The following SLC51A variants were observed in gnomAD, a reference collection of about 807,000 sequenced individuals.
SLC51A encodes organic solute transporter subunit alpha.
A neutral mutation model predicts 34.8 loss-of-function variants in SLC51A; 22 were observed. The ratio of observed to expected loss-of-function variants is 0.63; its 90% CI spans 0.45 to 0.90. The LOEUF (loss-of-function observed/expected upper bound fraction) is 0.90. Ranked by LOEUF, SLC51A falls within the 40% of genes least tolerant of loss-of-function variation. The probability of loss-of-function intolerance (pLI) is 0.00; values close to 1 mark genes in which losing one functional copy is unlikely to be tolerated. For missense variants in SLC51A, 371 were observed against 414.8 expected (o/e 0.89, Z 0.92); for synonymous variants, 181 against 176.3 (o/e 1.03, Z -0.21).
intron 2 of SLC51A, among the ~76,000 whole-genome samples, chr3:196,220,156 G>T (rs914368217): frequency 6.6e-6 from 1 of 152,260 alleles, no homozygotes; most frequent in Non-Finnish European, 1.5e-5. Context: ...GAGGCCCGCT[G>T]CGCGCCGGGC....
At chr3:196,227,324 G>T (rs1457598205) in intron 3 of SLC51A, 2 of 608,960 alleles carry the variant, frequency 3.3e-6, no homozygotes, top group African/African-American at 3.7e-5. Flanking sequence ...AAGGGCTGCG[G>T]AGACAGCTGG....
At chr3:196,227,960 C>T in intron 4 of SLC51A, 155 bp from the exon 5 acceptor site, 1 of 1,081,460 alleles carries the variant, frequency 9.2e-7, no homozygotes, top group African/African-American at 1.6e-5. Flanking sequence ...TTCCCCTTCT[C>T]CCAGTCCTGT....
At chr3:196,225,563 A>T (rs1723873776) in intron 2 of SLC51A, among the ~76,000 whole-genome samples, 1 of 152,202 alleles carries the variant, frequency 6.6e-6, no homozygotes, top group Admixed American at 6.5e-5. Context: ...TTATCTAGTC[A>T]GGTAGCAGGT....
chr3:196,217,213 T>C (rs1430175710), intron 1 of SLC51A, among the ~76,000 whole-genome samples: 1 of 152,192 alleles, frequency 6.6e-6, no homozygotes, highest in Non-Finnish European at 1.5e-5. Flanking sequence ...CCTGGGCCAG[T>C]TCTCCACTCC....
intron 2 of SLC51A, among the ~76,000 whole-genome samples, chr3:196,222,263 T>C (rs1461626043): frequency 6.6e-6 from 1 of 152,168 alleles, no homozygotes; most frequent in Non-Finnish European, 1.5e-5. Flanking sequence ...TTCAAAATGG[T>C]CAACTAGACA....
Position 196,228,024 on chromosome 3 carries a change from C to G in SLC51A, c.363-91C>G, listed in dbSNP as rs1333252794. 6.5e-7 allele frequency: 1 copy of G among 1,535,056 alleles called. No homozygotes were observed. The highest frequency in any genetic ancestry group is 2.3e-5 in the East Asian group (1 of 44,252). On this transcript the variant is annotated intron_variant, in intron 4 of 8. Coordinates refer to ENST00000296327, the MANE Select transcript of SLC51A (RefSeq NM_152672.6). This position sits in a 1 kb window ranked among gnomAD's most constrained non-coding sequence, Gnocchi z 4.9. ...GGGTCACACACCCAGAACGCCCAGC[C>G]CTAGCTCTGCTCCTCAGTAAGCCCC...
chr3:196,218,008 G>T, intron 2 of SLC51A, 72 bp downstream of exon 2: 1 of 1,398,982 alleles, frequency 7.1e-7, no homozygotes. Flanking sequence ...CTGGGGAGAG[G>T]CGGCCCTGAG....
chr3:196,223,749 AAG>A (rs1438797482), intron 2 of SLC51A: 155 of 160,858 alleles, frequency 9.6e-4, no homozygotes, highest in African/African-American at 3.5e-3. Flanking sequence ...AAAAAAAAAA[AAG>A]AAAGAAAGAA....
chr3:196,227,422 T>C (rs1723925389), intron 3 of SLC51A: 2 of 593,030 alleles, frequency 3.4e-6, no homozygotes, highest in East Asian at 2.8e-5. Flanking sequence ...TTCCTCAGAG[T>C]GTGGGGGAAA....
intron 3 of SLC51A, 68 bp from the exon 4 acceptor site, chr3:196,227,595 GC>G: frequency 7.1e-7 from 1 of 1,411,278 alleles, no homozygotes. Flanking sequence ...CTGTGTCCTT[GC>G]CGCAAAAGGC....
At chr3:196,225,841 A>G (rs2108755234) in intron 2 of SLC51A, 1 of 152,330 alleles carries the variant, frequency 6.6e-6, no homozygotes, top group South Asian at 2.1e-4. Context: ...TCTCAGATCT[A>G]TGGACGCACA....
intron 7 of SLC51A, among the ~76,000 whole-genome samples, chr3:196,232,185 T>A (rs11185519): frequency 0.33 from 49,579 of 152,176 alleles, 8,715 homozygotes; most frequent in East Asian, 0.75. Flanking sequence ...AGTTCTTATA[T>A]CTTGTCAGAA....
At chr3:196,223,270 C>T (rs1358288201) in intron 2 of SLC51A, among the ~76,000 whole-genome samples, 1 of 151,898 alleles carries the variant, frequency 6.6e-6, no homozygotes, top group Non-Finnish European at 1.5e-5. Context: ...TTATTTCTTT[C>T]ATTCAACAAA....
chr3:196,224,846 T>C (rs1417151308), intron 2 of SLC51A, among the ~76,000 whole-genome samples: 1 of 151,498 alleles, frequency 6.6e-6, no homozygotes, highest in African/African-American at 2.4e-5. Context: ...TGCTGACACC[T>C]TGATCTTGAA....
At chr3:196,219,181 A>G (rs1022397268) in intron 2 of SLC51A, among the ~76,000 whole-genome samples, 2 of 152,280 alleles carry the variant, frequency 1.3e-5, no homozygotes, top group Non-Finnish European at 2.9e-5. Flanking sequence ...AGCCGAGATC[A>G]CGCCACTGCA....
Position 196,227,565 on chromosome 3 carries a change from G to A in SLC51A, c.289-99G>A, listed in dbSNP as rs534837997. The A allele has an allele frequency of 9.5e-5, 94 of 991,412 alleles. No individual in the cohort carries two copies. The African/African-American group carries it at 1.2e-3, about 13-fold the overall frequency. 61.4% of individuals were successfully genotyped at this position (991,412 alleles called of 1,614,324 possible). A position where few individuals can be genotyped will look rare whatever the true frequency, so the allele number is the denominator to read the frequency against. On this transcript the variant is annotated intron_variant, in intron 3 of 8. Transcript: ENST00000296327. The stretch of plus-strand genomic sequence containing the variant: ...GGCAACGTTTAAGGAACGCTGCCTC[G>A]AATGTGTAGGTTTTGCCTCCTGTGT...
Position 196,216,846 on chromosome 3 carries a change from C to T in SLC51A, c.38+96C>T, listed in dbSNP as rs116434121. 66,291 of 1,284,632 alleles carry T rather than the reference C, an allele frequency of 0.052. 2,019 individuals are homozygous for T. The highest frequency in any genetic ancestry group is 0.092 in the East Asian group (3,637 of 39,366). 79.6% of individuals were successfully genotyped at this position (1,284,632 alleles called of 1,614,324 possible). A position where few individuals can be genotyped will look rare whatever the true frequency, so the allele number is the denominator to read the frequency against. The stretch of plus-strand genomic sequence containing the variant: ...CTCCCTCCCAGAGCCCTTTGGCGGC[C>T]GCACTCAGAATGAGACAGGACTGGA... On this transcript the variant is annotated intron_variant, in intron 1 of 8. Coordinates refer to ENST00000296327, the MANE Select transcript of SLC51A (RefSeq NM_152672.6). This position sits in a 1 kb window ranked among gnomAD's most constrained non-coding sequence, Gnocchi z 4.5.
rs899877928 is a variant in SLC51A, at chr3:196,229,536, C to T, written c.634-379C>T. ...GGGATTACAGGCATGCACCACCACCCCCGGCTAATTTTGTATTTTTCATAG... is the reference window on the plus strand; with the variant it reads ...GGGATTACAGGCATGCACCACCACCTCCGGCTAATTTTGTATTTTTCATAG... On this transcript the variant is annotated intron_variant, in intron 6 of 8. Coordinates refer to ENST00000296327, the MANE Select transcript of SLC51A (RefSeq NM_152672.6). 2.0e-5 allele frequency among the ~76,000 whole-genome samples: 3 copies of T among 151,926 alleles called. No individual in the cohort carries two copies. The East Asian group carries it at 5.9e-4, about 30-fold the overall frequency.
At chr3:196,218,331 C>T (rs1723650243) in intron 2 of SLC51A, among the ~76,000 whole-genome samples, 1 of 152,252 alleles carries the variant, frequency 6.6e-6, no homozygotes, top group Non-Finnish European at 1.5e-5. Flanking sequence ...ACCCATGTCA[C>T]TCTAGAGGGT....
Sources: allele counts gnomAD v4.1 joint callset (sites outside exome capture counted in the v4.1 genomes callset), GRCh38; gene constraint gnomAD v4.1.1; non-coding constraint Gnocchi (gnomAD v3.1); transcripts MANE v1.5; gene names NCBI Gene and HGNC (gene_info 2026-07-23, HGNC 2026-07-21).